The following ZNF655 variants were observed in gnomAD, a reference collection of about 807,000 sequenced individuals.
The protein encoded by ZNF655 is Vav-interacting Kruppel-like protein 1.
In ZNF655, 3 loss-of-function variants were observed where a neutral mutation model predicts 6.6. The observed-to-expected ratio is 0.46, with a 90% confidence interval of 0.21 to 1.18. The LOEUF is 1.18. Among genes scored for constraint, ZNF655 ranks in the 50% most tolerant of loss-of-function variants. The pLI is 0.24. For missense variants in ZNF655, 526 were observed against 572.3 expected (o/e 0.92, Z 0.83); for synonymous variants, 178 against 195.0 (o/e 0.91, Z 0.73).
At chr7:99,560,777 G>A (rs1803081458) in intron 2 of ZNF655, 82 bp downstream of exon 2, 1 of 1,545,258 alleles carries the variant, frequency 6.5e-7, no homozygotes, top group Non-Finnish European at 8.8e-7. Context: ...TGGTTTGAGA[G>A]AGGCCAAGAA....
chr7:99,573,716 T>C lies in ZNF655; in HGVS notation c.*132T>C. Reference sequence around the variant, plus strand: ...GTCATAGCTCAGCCATTGCTCAGCATCAGATAATTCACACCAGAGAGAAAC... The same window carrying C: ...GTCATAGCTCAGCCATTGCTCAGCACCAGATAATTCACACCAGAGAGAAAC... On this transcript the variant is annotated 3_prime_UTR_variant, in exon 3 of 3. Transcript: ENST00000252713. The C allele has an allele frequency of 9.6e-7, 1 of 1,040,514 alleles. No individual in the cohort carries two copies. Among genetic ancestry groups the C allele is most frequent in the Non-Finnish European group, 1.4e-6 (1 of 723,648 alleles). The allele number at this position is 1,040,514 out of a possible 1,614,324, so 64.5% of individuals were successfully genotyped here.
chr7:99,573,354 G>A lies in ZNF655; in HGVS notation c.1246G>A (p.Ala416Thr). Residue 416 changes from alanine (A) to threonine (T), a missense_variant, in exon 3 of 3, where the codon GCT (alanine) becomes ACT (threonine). Ala to Thr is a moderately conservative substitution (Grantham distance 58). Coordinates refer to ENST00000252713, the MANE Select transcript of ZNF655 (RefSeq NM_138494.3). ...ACATGAATGTAATGAATGTGGAAAAGCTTTCAGTCAAACCTCATGCCTTAT... is the reference window on the plus strand; with the variant it reads ...ACATGAATGTAATGAATGTGGAAAAACTTTCAGTCAAACCTCATGCCTTAT... The part of the protein sequence containing the change: ...KAHECNECGK[A>T]FSQTSCLIQH... 6.2e-7 allele frequency: 1 copy of A among 1,614,164 alleles called. No individual in the cohort carries two copies. The highest frequency in any genetic ancestry group is 8.5e-7 in the Non-Finnish European group (1 of 1,180,026).
intron 1 of ZNF655, among the ~76,000 whole-genome samples, chr7:99,559,349 G>A (rs896913074): frequency 1.5e-5 from 2 of 134,696 alleles, no homozygotes; most frequent in Admixed American, 1.4e-4. Flanking sequence ...GGCTGACGGT[G>A]TTACCAAGAC....
At chr7:99,570,161 A>G (rs1421001498) in intron 2 of ZNF655, 1 of 151,892 alleles carries the variant, frequency 6.6e-6, no homozygotes, top group Non-Finnish European at 1.5e-5. Context: ...AAGCAGCCAG[A>G]ATTTATTTCA....
At chr7:99,561,749 A>G (rs768619877) in intron 2 of ZNF655, 2 of 438,082 alleles carry the variant, frequency 4.6e-6, no homozygotes, top group Admixed American at 4.3e-5. Flanking sequence ...GACACACCCA[A>G]TACCTGAAAA....
intron 2 of ZNF655, chr7:99,563,072 A>G (rs1487986712): frequency 1.8e-5 from 6 of 339,650 alleles, no homozygotes; most frequent in Non-Finnish European, 3.7e-5. Flanking sequence ...TCAGTGAGTC[A>G]CCCAGAATGG....
At chr7:99,561,989 C>G (rs1803221121) in intron 2 of ZNF655, 2 of 1,559,776 alleles carry the variant, frequency 1.3e-6, no homozygotes, top group Non-Finnish European at 1.7e-6. Context: ...CTGAGGAACC[C>G]TCTGCTTTTC....
rs2088060789 is a variant in ZNF655 at position 99,572,863 on chromosome 7, G to A, written c.755G>A (p.Ser252Asn). ...CKECEKSFSQ[S>N]SSLSRHKRIH... is the part of the protein sequence containing the mutation. Reference sequence around the variant, plus strand: ...GAATGTGAAAAGTCTTTCAGTCAGAGCTCAAGTCTTAGTCGACATAAAAGA... The same window carrying A: ...GAATGTGAAAAGTCTTTCAGTCAGAACTCAAGTCTTAGTCGACATAAAAGA... The change falls in exon 3 of 3, where the codon AGC becomes AAC. Residue 252 changes from serine (S) to asparagine (N), a missense_variant. Coordinates refer to ENST00000252713, the MANE Select transcript of ZNF655 (RefSeq NM_138494.3). 3.1e-6 allele frequency: 5 copies of A among 1,614,094 alleles called. No individual in the cohort carries two copies. Among genetic ancestry groups the A allele is most frequent in the Non-Finnish European group, 4.2e-6 (5 of 1,179,980 alleles).
rs1318720964 is a variant in ZNF655 at position 99,571,922 on chromosome 7, C to T, written c.137-323C>T. 4 of 628,838 alleles carry T rather than the reference C, an allele frequency of 6.4e-6. No individual in the cohort carries two copies. In the Admixed American group the frequency reaches 1.2e-4, roughly 19 times the overall value. 39.0% of individuals were successfully genotyped at this position (628,838 alleles called of 1,614,324 possible). A position where few individuals can be genotyped will look rare whatever the true frequency, so the allele number is the denominator to read the frequency against. ...CTAGCATGGAGAGTTCCTTCCTTTTCCCTTCAGTTAGGTTGACCCTTTCCA... is the reference window on the plus strand; with the variant it reads ...CTAGCATGGAGAGTTCCTTCCTTTTTCCTTCAGTTAGGTTGACCCTTTCCA... On this transcript the variant is annotated intron_variant, in intron 2 of 2. Transcript: ENST00000252713.
rs755273714 is a variant in ZNF655 at position 99,562,491 on chromosome 7, C to G, written c.136+1796C>G. 26 of 1,611,578 alleles carry G rather than the reference C, an allele frequency of 1.6e-5. No homozygotes were observed. The South Asian group carries it at 2.4e-4, about 15-fold the overall frequency. On this transcript the variant is annotated intron_variant, in intron 2 of 2. Coordinates refer to ENST00000252713, the MANE Select transcript of ZNF655 (RefSeq NM_138494.3). ...AGAGAATTATGGGAACGTGGTCTCA[C>G]TGGGTAAGGACTTCCTTATTATTCG...
At chr7:99,564,847 C>G (rs1393934173) in intron 2 of ZNF655, 1 of 329,246 alleles carries the variant, frequency 3.0e-6, no homozygotes. Flanking sequence ...TGCATACACA[C>G]TTTTACACAT....
chr7:99,566,595 T>C (rs2151159712), intron 2 of ZNF655, among the ~76,000 whole-genome samples: 1 of 152,302 alleles, frequency 6.6e-6, no homozygotes, highest in East Asian at 1.9e-4. Flanking sequence ...TCCCCTCTTG[T>C]TGCCCAGGCT....
Position 99,566,557 on chromosome 7 carries a change from A to G in ZNF655, c.137-5688A>G, listed in dbSNP as rs538572817. On this transcript the variant is annotated intron_variant, in intron 2 of 2. Coordinates refer to ENST00000252713, the MANE Select transcript of ZNF655 (RefSeq NM_138494.3). ...AAGCAGCAAACCATATGATAAGGCA[A>G]ATTTTAAATATTATTTTTGAGGCAG... Among the ~76,000 whole-genome samples, 109 of 152,256 alleles carry G rather than the reference A, an allele frequency of 7.2e-4. 1 individual carries two copies. The highest frequency in any genetic ancestry group is 2.5e-3 in the African/African-American group (105 of 41,550).
chr7:99,569,871 T>C (rs575153379), intron 2 of ZNF655, among the ~76,000 whole-genome samples: 1 of 152,268 alleles, frequency 6.6e-6, no homozygotes, highest in South Asian at 2.1e-4. Flanking sequence ...TTCTAATACA[T>C]AGTGGTGAAT....
In ZNF655 at chr7:99,560,515, C is replaced by CT. The variant is rs1803049845; in HGVS notation, c.-27-16dup. 6.3e-7 allele frequency: 1 copy of CT among 1,596,096 alleles called. No individual in the cohort carries two copies. On this transcript the variant is annotated splice_polypyrimidine_tract_variant and intron_variant, in intron 1 of 2. Coordinates refer to ENST00000252713, the MANE Select transcript of ZNF655 (RefSeq NM_138494.3). ...GCTTTAACTTATTACAGTAATTTCT[C>CT]TTAATCTTACCTTGCAGTGATGGTC...
intron 2 of ZNF655, chr7:99,560,929 T>G: frequency 2.6e-6 from 1 of 384,440 alleles, no homozygotes; most frequent in East Asian, 4.5e-5. Flanking sequence ...CTCGCTGTGG[T>G]GGTTTTTCCT....
chr7:99,562,165 C>T, intron 2 of ZNF655: 1 of 771,360 alleles, frequency 1.3e-6, no homozygotes, highest in Non-Finnish European at 2.0e-6. Flanking sequence ...CATGAGCAAA[C>T]TCTGTTTTCT....
intron 2 of ZNF655, chr7:99,570,554 A>G (rs1187346376): frequency 1.3e-5 from 2 of 152,228 alleles, no homozygotes; most frequent in Admixed American, 1.3e-4. Context: ...TTGGCACTCA[A>G]TAAGTAGCCG....
At chr7:99,564,890 T>C (rs1803503253) in intron 2 of ZNF655, among the ~76,000 whole-genome samples, 1 of 152,238 alleles carries the variant, frequency 6.6e-6, no homozygotes, top group Non-Finnish European at 1.5e-5. Context: ...GAAAGCCTTC[T>C]ACTCATCTTG....
Sources: allele counts gnomAD v4.1 joint callset (sites outside exome capture counted in the v4.1 genomes callset), GRCh38; gene constraint gnomAD v4.1.1; transcripts MANE v1.5; gene names NCBI Gene and HGNC (gene_info 2026-07-23, HGNC 2026-07-21).